The following PRKCE variants were observed in gnomAD, a reference collection of about 807,000 sequenced individuals.
PRKCE encodes protein kinase C epsilon type.
In PRKCE, 16 loss-of-function variants were observed where a neutral mutation model predicts 85.4. That is an observed-to-expected ratio of 0.19 (90% confidence interval 0.13 to 0.28). The LOEUF (loss-of-function observed/expected upper bound fraction) is 0.28, where lower values mean the gene tolerates loss of function less well. PRKCE is among the 10% of genes least tolerant of loss of function. The pLI is 1.00. For synonymous variants in PRKCE, 388 were observed against 371.5 expected (o/e 1.04, Z -0.51); for missense variants, 573 against 975.2 (o/e 0.59, Z 5.49).
chr2:45,914,788 A>G (rs1697639158), intron 2 of PRKCE, among the ~76,000 whole-genome samples: 1 of 152,256 alleles, frequency 6.6e-6, no homozygotes, highest in African/African-American at 2.4e-5. Flanking sequence ...AATGAATGCC[A>G]TGTATAGCTA....
chr2:45,926,098 G>T (rs1322889409), intron 2 of PRKCE, among the ~76,000 whole-genome samples: 1 of 152,202 alleles, frequency 6.6e-6, no homozygotes, highest in Non-Finnish European at 1.5e-5. Context: ...TGGGGGACTT[G>T]CATCTCACAG....
At position 46,187,664 on chromosome 2, in the gene PRKCE, G is replaced by A. The variant is rs1680544335; in HGVS notation, c.*2783G>A. ...CTCTCATTATGGACTTTGTGAAGTA[G>A]AAACATAATTTTTTTTCCTCCAAAG... On this transcript the variant is annotated 3_prime_UTR_variant, in exon 15 of 15. Transcript: ENST00000306156. The A allele has an allele frequency of 6.7e-6, 1 of 150,066 alleles. No individual in the cohort carries two copies. The highest frequency in any genetic ancestry group is 1.5e-5 in the Non-Finnish European group (1 of 67,642). The allele number at this position is 150,066 out of a possible 1,614,324, so 9.3% of individuals were successfully genotyped here.
At chr2:45,795,952 A>G (rs1239026363) in intron 1 of PRKCE, among the ~76,000 whole-genome samples, 4 of 152,248 alleles carry the variant, frequency 2.6e-5, no homozygotes, top group Non-Finnish European at 5.9e-5. Context: ...GAAAAGTTGA[A>G]AAGAATAGAA....
At position 45,967,059 on chromosome 2, in the gene PRKCE, G is replaced by A. The variant is rs142791937; in HGVS notation, c.413-9370G>A. Among the ~76,000 whole-genome samples the A allele has an allele frequency of 1.4e-3, 216 of 152,288 alleles. 1 individual carries two copies. The highest frequency in any genetic ancestry group is 5.1e-3 in the African/African-American group (210 of 41,560). ...ATATGTCTGATCTCCTCAGGGCCAG[G>A]GGTGTGCTGGTGGTAAATGTTTAAC... On this transcript the variant is annotated intron_variant, in intron 2 of 14. Coordinates refer to ENST00000306156, the MANE Select transcript of PRKCE (RefSeq NM_005400.3).
At chr2:45,877,374 T>TTC (rs1051409940) in intron 2 of PRKCE, among the ~76,000 whole-genome samples, 2 of 152,138 alleles carry the variant, frequency 1.3e-5, no homozygotes, top group African/African-American at 2.4e-5. Context: ...TCGTTATCTC[T>TTC]TCTCTCTCTG....
intron 11 of PRKCE, among the ~76,000 whole-genome samples, chr2:46,110,521 G>C: frequency 6.6e-6 from 1 of 152,000 alleles, no homozygotes; most frequent in East Asian, 1.9e-4. Context: ...TCACGTTCCC[G>C]TGATCAACAG....
intron 1 of PRKCE, among the ~76,000 whole-genome samples, chr2:45,738,962 G>T (rs777618671): frequency 3.3e-5 from 5 of 152,166 alleles, no homozygotes; most frequent in African/African-American, 4.8e-5. Flanking sequence ...GGGCAGTGTT[G>T]GTTCATGTAC....
chr2:46,060,516 G>C (rs577196489), intron 10 of PRKCE, among the ~76,000 whole-genome samples: 1 of 152,138 alleles, frequency 6.6e-6, no homozygotes, highest in Non-Finnish European at 1.5e-5. Context: ...GAAGGAGAGG[G>C]GAAAGACCAG....
intron 2 of PRKCE, among the ~76,000 whole-genome samples, chr2:45,957,202 A>C (rs1243863672): frequency 6.6e-6 from 1 of 152,226 alleles, no homozygotes; most frequent in Non-Finnish European, 1.5e-5. Context: ...TCTTCACCCA[A>C]ACCCAACGTC....
chr2:45,892,702 A>C (rs368053374), intron 2 of PRKCE, among the ~76,000 whole-genome samples: 14 of 152,190 alleles, frequency 9.2e-5, no homozygotes, highest in African/African-American at 2.9e-4. Flanking sequence ...CCAGAGACTC[A>C]AGAATGTGTC....
At chr2:46,171,050 C>A (rs373531817) in intron 14 of PRKCE, among the ~76,000 whole-genome samples, 1 of 152,276 alleles carries the variant, frequency 6.6e-6, no homozygotes, top group Admixed American at 6.5e-5. Flanking sequence ...CAGAATGAGT[C>A]CAAGTTGCCA....
chr2:45,663,739 C>T (rs951262859), intron 1 of PRKCE, among the ~76,000 whole-genome samples: 14 of 151,958 alleles, frequency 9.2e-5, no homozygotes, highest in South Asian at 2.1e-4. Context: ...GCCGATGTTA[C>T]GCCACTGCGC....
rs548008014 is a variant in PRKCE, at chr2:46,134,724, G to T, written c.1593-10369G>T. Among the ~76,000 whole-genome samples, 32 of 152,342 alleles carry T rather than the reference G, an allele frequency of 2.1e-4. No homozygotes were observed. In the South Asian group the frequency reaches 6.2e-3, roughly 30 times the overall value. ...ACAGTAATGCTCAGAAAAGTGACTT[G>T]CTTGTGGTCACTCTGTCCTGGGCTT... On this transcript the variant is annotated intron_variant, in intron 11 of 14. Transcript: ENST00000306156.
intron 1 of PRKCE, among the ~76,000 whole-genome samples, chr2:45,690,744 C>T (rs1036070484): frequency 1.3e-5 from 2 of 152,158 alleles, no homozygotes; most frequent in African/African-American, 4.8e-5. Context: ...GAGTGATTTT[C>T]CCTCTCTGTA....
chr2:45,807,881 TC>T (rs1446019748), intron 1 of PRKCE, among the ~76,000 whole-genome samples: 2 of 151,716 alleles, frequency 1.3e-5, no homozygotes, highest in Admixed American at 1.3e-4. Flanking sequence ...CTACTTTCTC[TC>T]CCCCTGCTGC....
chr2:46,018,730 A>G (rs1248982501), intron 10 of PRKCE, among the ~76,000 whole-genome samples: 6 of 152,248 alleles, frequency 3.9e-5, no homozygotes, highest in Admixed American at 2.6e-4. Context: ...CTGTTCATAC[A>G]TATATATTTA....
At position 45,788,819 on chromosome 2, in the gene PRKCE, T is replaced by A. The variant is rs78599646; in HGVS notation, c.349-54181T>A. ...GGATTTTTAGGTCTGAAGAAATATA[T>A]GAAGATACATTTCCTGATTCTTTAG... On this transcript the variant is annotated intron_variant, in intron 1 of 14. Transcript: ENST00000306156. 1.9e-3 allele frequency among the ~76,000 whole-genome samples: 284 copies of A among 152,328 alleles called. 1 individual carries two copies. Among genetic ancestry groups the A allele is most frequent in the African/African-American group, 6.6e-3 (274 of 41,576 alleles).
chr2:45,685,719 G>C (rs542921994), intron 1 of PRKCE: 1 of 152,372 alleles, frequency 6.6e-6, no homozygotes, highest in African/African-American at 2.4e-5. Context: ...AGGTACGGGG[G>C]GCAGTGGTAT....
At chr2:45,889,575 G>T (rs1195199371) in intron 2 of PRKCE, among the ~76,000 whole-genome samples, 1 of 151,940 alleles carries the variant, frequency 6.6e-6, no homozygotes, top group East Asian at 1.9e-4. Context: ...GGTGGGGTGG[G>T]GTGGGGTGGG....
Sources: gnomAD v4.1 joint callset for allele counts (sites outside exome capture counted in the v4.1 genomes callset) on GRCh38, gnomAD v4.1.1 for gene constraint, MANE v1.5 for transcripts, NCBI Gene and HGNC (gene_info 2026-07-23, HGNC 2026-07-21) for gene names.